The following ERN1 variants were observed in gnomAD, a reference collection of about 807,000 sequenced individuals.
ERN1 encodes endoplasmic reticulum to nucleus signaling 1.
ERN1 carries 39 observed loss-of-function variants against 113.1 expected under a neutral mutation model. The observed-to-expected ratio is 0.34, with a 90% CI of 0.27 to 0.45. ERN1 has a LOEUF of 0.45. Ranked by LOEUF, ERN1 falls within the 20% of genes least tolerant of loss-of-function variation. ERN1 has a pLI of 1.00. For missense variants in ERN1, 976 were observed against 1,274.8 expected (o/e 0.77, Z 3.57); for synonymous variants, 507 against 515.9 (o/e 0.98, Z 0.23).
chr17:64,120,930 A>G (rs1231635903), intron 1 of ERN1, among the ~76,000 whole-genome samples: 1 of 152,236 alleles, frequency 6.6e-6, no homozygotes, highest in East Asian at 1.9e-4. Flanking sequence ...GAAGAATTCA[A>G]TAAATATTTG....
At chr17:64,103,581 CAA>C (rs1279134460) in intron 1 of ERN1, among the ~76,000 whole-genome samples, 1 of 151,602 alleles carries the variant, frequency 6.6e-6, no homozygotes, top group Non-Finnish European at 1.5e-5. Context: ...GCATTTACTA[CAA>C]AGATACAGAA....
intron 17 of ERN1, among the ~76,000 whole-genome samples, chr17:64,051,978 A>C (rs1912698403): frequency 6.6e-6 from 1 of 152,212 alleles, no homozygotes; most frequent in Non-Finnish European, 1.5e-5. Flanking sequence ...TGCTACTTAT[A>C]TTCAAATGGT....
chr17:64,110,085 A>C (rs1914633407), intron 1 of ERN1, among the ~76,000 whole-genome samples: 1 of 152,190 alleles, frequency 6.6e-6, no homozygotes, highest in South Asian at 2.1e-4. Context: ...CTGAGATCTC[A>C]CTGTACATCT....
intron 6 of ERN1, among the ~76,000 whole-genome samples, chr17:64,071,190 G>A (rs1385528630): frequency 1.3e-5 from 2 of 152,214 alleles, no homozygotes; most frequent in South Asian, 2.1e-4. Context: ...TAACTGCTAC[G>A]TGTGCCCCTA....
chr17:64,102,605 C>T (rs189341158), intron 1 of ERN1: 27 of 927,760 alleles, frequency 2.9e-5, no homozygotes, highest in Middle Eastern at 5.6e-4. Flanking sequence ...GTTGCTATAG[C>T]TAACATGAAT....
intron 5 of ERN1, among the ~76,000 whole-genome samples, chr17:64,073,555 A>G (rs1260841954): frequency 6.9e-6 from 1 of 145,098 alleles, no homozygotes; most frequent in African/African-American, 2.6e-5. Context: ...GCAGTGGTGC[A>G]ATCTCAGCTC....
At chr17:64,104,870 T>G (rs1284160357) in intron 1 of ERN1, among the ~76,000 whole-genome samples, 4 of 151,998 alleles carry the variant, frequency 2.6e-5, no homozygotes. Context: ...ACTTTTCACC[T>G]CTAAGTCAAT....
At position 64,096,572 on chromosome 17, in the gene ERN1, G is replaced by A. The variant is rs369527940; in HGVS notation, c.175+1549C>T. On this transcript the variant is annotated intron_variant, in intron 2 of 21. Transcript: ENST00000433197. ...AAACATTCCCTGCCCCTGCTCCCCC[G>A]GTCCATGGAAAAACTTCCACGAAAC... 1.1e-4 allele frequency among the ~76,000 whole-genome samples: 16 copies of A among 152,182 alleles called. No homozygotes were observed. In the East Asian group the frequency reaches 1.4e-3, roughly 13 times the overall value.
At chr17:64,085,871 C>T (rs549031303) in intron 2 of ERN1, among the ~76,000 whole-genome samples, 1 of 152,316 alleles carries the variant, frequency 6.6e-6, no homozygotes, top group African/African-American at 2.4e-5. Context: ...TCAAACTACT[C>T]CTTGCCTCAA....
At chr17:64,117,286 T>C (rs909938985) in intron 1 of ERN1, among the ~76,000 whole-genome samples, 3 of 149,176 alleles carry the variant, frequency 2.0e-5, no homozygotes, top group Non-Finnish European at 4.5e-5. Flanking sequence ...CTACTAAAAA[T>C]ACAAAAATTA....
At position 64,044,784 on chromosome 17, in the gene ERN1, A is replaced by T; in HGVS notation, c.2721+76T>A. ...ATGCCAGTACAGATAAAAGATTTAT[A>T]AAGAATGGATGAAAGGAGGAAGGTG... On this transcript the variant is annotated intron_variant, in intron 21 of 21. Coordinates refer to ENST00000433197, the MANE Select transcript of ERN1 (RefSeq NM_001433.5). This position sits in a 1 kb window ranked among gnomAD's most constrained non-coding sequence, Gnocchi z 4.1. 1 of 992,780 alleles carries T rather than the reference A, an allele frequency of 1.0e-6. No homozygotes were observed. Among genetic ancestry groups the T allele is most frequent in the Non-Finnish European group, 1.6e-6 (1 of 640,368 alleles). The allele number at this position is 992,780 out of a possible 1,614,324, so 61.5% of individuals were successfully genotyped here. A position where few individuals can be genotyped will look rare whatever the true frequency, so the allele number is the denominator to read the frequency against.
In ERN1 at chr17:64,130,133, T is replaced by G; in HGVS notation, c.-104A>C. 3.7e-6 allele frequency: 4 copies of G among 1,070,190 alleles called. No individual in the cohort carries two copies. The highest frequency in any genetic ancestry group is 4.8e-6 in the Non-Finnish European group (4 of 829,974). 66.3% of individuals were successfully genotyped at this position (1,070,190 alleles called of 1,614,324 possible). A position where few individuals can be genotyped will look rare whatever the true frequency, so the allele number is the denominator to read the frequency against. On this transcript the variant is annotated 5_prime_UTR_variant, in exon 1 of 22. Coordinates refer to ENST00000433197, the MANE Select transcript of ERN1 (RefSeq NM_001433.5). The surrounding 1 kb of genome is among the most constrained non-coding windows in gnomAD (Gnocchi z 4.0). ...GACCGAGCCTCAGCGGACGCAGAAC[T>G]GACTAGGCAGCGGCGGCACCCCCAT...
chr17:64,065,176 T>C, intron 9 of ERN1, 33 bp downstream of exon 9: 2 of 1,487,110 alleles, frequency 1.3e-6, no homozygotes, highest in Non-Finnish European at 1.9e-6. Context: ...CAGAAGTGGT[T>C]AGGCAGCTGC....
chr17:64,072,977 G>A (rs1335338742), intron 5 of ERN1, among the ~76,000 whole-genome samples: 1 of 151,278 alleles, frequency 6.6e-6, no homozygotes, highest in African/African-American at 2.4e-5. Flanking sequence ...ATATTGAGAT[G>A]CTGGAGAAGG....
chr17:64,051,009 C>T (rs939420506), intron 17 of ERN1, among the ~76,000 whole-genome samples: 5 of 152,046 alleles, frequency 3.3e-5, no homozygotes, highest in African/African-American at 1.2e-4. Context: ...AGTGCGCTCC[C>T]AGCAAATGGA....
chr17:64,066,604 T>G, intron 8 of ERN1, 67 bp downstream of exon 8: 1 of 1,583,568 alleles, frequency 6.3e-7, no homozygotes, highest in South Asian at 1.1e-5. Flanking sequence ...CAGGGCCTGC[T>G]ACACTGCAAC....
chr17:64,040,585 C>T lies in ERN1; in HGVS notation c.*3403G>A, dbSNP rs922415965. 1 of 152,198 alleles carries T rather than the reference C, an allele frequency of 6.6e-6. No individual in the cohort carries two copies. The highest frequency in any genetic ancestry group is 6.5e-5 in the Admixed American group (1 of 15,282). 9.4% of individuals were successfully genotyped at this position (152,198 alleles called of 1,614,324 possible). A position where few individuals can be genotyped will look rare whatever the true frequency, so the allele number is the denominator to read the frequency against. ...GGCTCAGGGTCAACTCTGATAAGGCCCTTTCTTCTAGAGTTGGTGGGAAGA... is the reference window on the plus strand; with the variant it reads ...GGCTCAGGGTCAACTCTGATAAGGCTCTTTCTTCTAGAGTTGGTGGGAAGA... On this transcript the variant is annotated 3_prime_UTR_variant, in exon 22 of 22. Coordinates refer to ENST00000433197, the MANE Select transcript of ERN1 (RefSeq NM_001433.5).
intron 17 of ERN1, among the ~76,000 whole-genome samples, chr17:64,051,776 G>A (rs772187616): frequency 6.6e-6 from 1 of 152,152 alleles, no homozygotes; most frequent in Non-Finnish European, 1.5e-5. Context: ...AAACCCAGTA[G>A]GTAGCAAAAT....
chr17:64,061,064 G>C (rs1346712927), intron 10 of ERN1, among the ~76,000 whole-genome samples: 1 of 152,194 alleles, frequency 6.6e-6, no homozygotes, highest in African/African-American at 2.4e-5. Flanking sequence ...TTCCATCGGG[G>C]AAAGTGGTAC....
Sources: gnomAD v4.1 joint callset for allele counts (sites outside exome capture counted in the v4.1 genomes callset) on GRCh38, gnomAD v4.1.1 for gene constraint, Gnocchi (gnomAD v3.1) non-coding constraint, MANE v1.5 for transcripts, NCBI Gene and HGNC (gene_info 2026-07-23, HGNC 2026-07-21) for gene names.